The following GRIP1 variants were observed in gnomAD, a reference collection of about 807,000 sequenced individuals.
The protein encoded by GRIP1 is glutamate receptor-interacting protein 1.
A neutral mutation model predicts 129.9 loss-of-function variants in GRIP1; 45 were observed. The observed-to-expected ratio is 0.35, with a 90% CI of 0.27 to 0.44. GRIP1 has a LOEUF of 0.44. GRIP1 is among the 20% of genes least tolerant of loss of function. The pLI, the probability that GRIP1 is intolerant of heterozygous loss-of-function variation, is 1.00. For missense variants in GRIP1, 1,196 were observed against 1,396.8 expected, an observed-to-expected ratio of 0.86 and a Z score of 2.29; for synonymous variants, 530 against 520.8, an observed-to-expected ratio of 1.02 and a Z score of -0.24.
chr12:66,643,111 G>A (rs1026775231), intron 1 of GRIP1, among the ~76,000 whole-genome samples: 1 of 152,192 alleles, frequency 6.6e-6, no homozygotes, highest in African/African-American at 2.4e-5. Context: ...ATATCCAGGG[G>A]CACTGAGATT....
At chr12:66,510,115 G>A (rs560380520) in intron 7 of GRIP1, among the ~76,000 whole-genome samples, 2 of 151,938 alleles carry the variant, frequency 1.3e-5, no homozygotes, top group Admixed American at 6.6e-5. Flanking sequence ...ACAATTTATT[G>A]AGCACATATG....
intron 1 of GRIP1, among the ~76,000 whole-genome samples, chr12:66,643,667 C>A (rs111226321): frequency 0.029 from 4,350 of 152,188 alleles, 109 homozygotes; most frequent in Non-Finnish European, 0.042. Flanking sequence ...CTGGCTCAAG[C>A]GATCCTCCCA....
intron 2 of GRIP1, among the ~76,000 whole-genome samples, chr12:66,542,337 G>A (rs1027672961): frequency 6.6e-6 from 1 of 152,102 alleles, no homozygotes; most frequent in African/African-American, 2.4e-5. Flanking sequence ...ATGATAATAC[G>A]AACATATATA....
chr12:66,394,427 T>C lies in GRIP1; in HGVS notation c.1985-75A>G, dbSNP rs753123917. ...AGAGTAAGATGCATAGATTCATACA[T>C]AAAAGAATTCAAAACATCCTCGTCA... On this transcript the variant is annotated intron_variant, in intron 16 of 24. Coordinates refer to ENST00000359742, the MANE Select transcript of GRIP1 (RefSeq NM_001366722.1). 8 of 1,238,278 alleles carry C rather than the reference T, an allele frequency of 6.5e-6. No homozygotes were observed. In the East Asian group the frequency reaches 1.6e-4, roughly 25 times the overall value. 76.7% of individuals were successfully genotyped at this position (1,238,278 alleles called of 1,614,324 possible).
intron 1 of GRIP1, among the ~76,000 whole-genome samples, chr12:66,877,578 T>C (rs910303411): frequency 2.0e-5 from 3 of 152,112 alleles, no homozygotes; most frequent in Non-Finnish European, 4.4e-5. Flanking sequence ...AAAAGTTAAT[T>C]ACACATTACC....
At chr12:66,558,103 T>C (rs1005595170) in intron 2 of GRIP1, among the ~76,000 whole-genome samples, 2 of 151,978 alleles carry the variant, frequency 1.3e-5, no homozygotes, top group South Asian at 4.1e-4. Flanking sequence ...CCTAAATAAA[T>C]AAAATCAAAG....
intron 1 of GRIP1, among the ~76,000 whole-genome samples, chr12:66,992,202 T>C (rs1486373985): frequency 6.6e-6 from 1 of 152,164 alleles, no homozygotes; most frequent in Non-Finnish European, 1.5e-5. Flanking sequence ...GAATCTCCTC[T>C]AAAACTGTGA....
intron 19 of GRIP1, among the ~76,000 whole-genome samples, chr12:66,380,484 C>T (rs1269475070): frequency 1.3e-5 from 2 of 152,108 alleles, no homozygotes; most frequent in African/African-American, 4.8e-5. Context: ...CTTTTTTCCA[C>T]CAGGGAGTTA....
At chr12:66,472,787 A>G (rs1592384304) in intron 7 of GRIP1, among the ~76,000 whole-genome samples, 1 of 152,314 alleles carries the variant, frequency 6.6e-6, no homozygotes, top group East Asian at 1.9e-4. Flanking sequence ...AATGGTGCAC[A>G]CTAGCCCAGA....
chr12:66,500,084 CAACAACAATAATAA>C (rs1316964513), intron 7 of GRIP1, among the ~76,000 whole-genome samples: 1 of 152,098 alleles, frequency 6.6e-6, no homozygotes, highest in East Asian at 1.9e-4. Context: ...AATCTCATAA[CAACAACAATAATAA>C]AACAACAATA....
At chr12:66,856,441 C>T (rs1163573212) in intron 1 of GRIP1, among the ~76,000 whole-genome samples, 1 of 152,112 alleles carries the variant, frequency 6.6e-6, no homozygotes, top group Admixed American at 6.6e-5. Context: ...AGCCAACCTA[C>T]AGAATGGGAG....
intron 1 of GRIP1, among the ~76,000 whole-genome samples, chr12:67,068,310 G>T (rs73318965): frequency 0.027 from 4,181 of 152,242 alleles, 203 homozygotes; most frequent in African/African-American, 0.096. Context: ...GGGCTGCAAG[G>T]CACCAGGCAG....
chr12:66,521,729 G>A (rs1009730875), intron 5 of GRIP1, among the ~76,000 whole-genome samples: 2 of 152,212 alleles, frequency 1.3e-5, no homozygotes, highest in Admixed American at 1.3e-4. Flanking sequence ...AAGTGCAAGG[G>A]GTCAGGGAGT....
intron 1 of GRIP1, among the ~76,000 whole-genome samples, chr12:66,665,300 A>C (rs75659510): frequency 7.3e-4 from 111 of 152,342 alleles, no homozygotes; most frequent in African/African-American, 2.7e-3. Flanking sequence ...GAGCTAACAC[A>C]ACCAACCAAA....
At position 66,406,393 on chromosome 12, in the gene GRIP1, G is replaced by A. The variant is rs1592784047; in HGVS notation, c.1874C>T (p.Ala625Val). Residue 625 changes from alanine (A) to valine (V), a missense_variant, in exon 16 of 25, where the codon GCA becomes GTA. Coordinates refer to ENST00000359742, the MANE Select transcript of GRIP1 (RefSeq NM_001366722.1). ...GTTGTCCAGCCGGATATTATCTATTGCGAGCAATTTATCCCCAAGTTCCAG... is the reference window on the plus strand; with the variant it reads ...GTTGTCCAGCCGGATATTATCTATTACGAGCAATTTATCCCCAAGTTCCAG... ...GTLELGDKLL[A>V]IDNIRLDNCS... is the part of the protein sequence containing the mutation. 6.2e-7 allele frequency: 1 copy of A among 1,614,070 alleles called. No individual in the cohort carries two copies. Among genetic ancestry groups the A allele is most frequent in the Non-Finnish European group, 8.5e-7 (1 of 1,179,952 alleles).
intron 1 of GRIP1, among the ~76,000 whole-genome samples, chr12:66,717,915 G>A (rs970701936): frequency 3.9e-5 from 6 of 152,102 alleles, no homozygotes; most frequent in Admixed American, 3.9e-4. Context: ...TCCTCTGTAG[G>A]AAACAATGGG....
intron 13 of GRIP1, among the ~76,000 whole-genome samples, chr12:66,440,028 C>T (rs373289489): frequency 5.3e-5 from 8 of 152,198 alleles, no homozygotes; most frequent in African/African-American, 1.7e-4. Context: ...CTCTGATTTG[C>T]TATTCTAAAT....
chr12:66,480,095 C>T (rs1003612842), intron 7 of GRIP1, among the ~76,000 whole-genome samples: 12 of 151,914 alleles, frequency 7.9e-5, no homozygotes, highest in East Asian at 5.8e-4. Context: ...AAAGAAATAA[C>T]GGGTATTCAA....
intron 1 of GRIP1, among the ~76,000 whole-genome samples, chr12:67,013,018 A>T (rs1042981125): frequency 6.6e-6 from 1 of 152,180 alleles, no homozygotes; most frequent in Admixed American, 6.6e-5. Context: ...GAGAAAACCT[A>T]TTATTTTCAA....
Sources: allele counts gnomAD v4.1 joint callset (sites outside exome capture counted in the v4.1 genomes callset), GRCh38; gene constraint gnomAD v4.1.1; transcripts MANE v1.5; gene names NCBI Gene and HGNC (gene_info 2026-07-23, HGNC 2026-07-21).